Variants in NEK1 observed in about 807,000 individuals in gnomAD.
The protein encoded by NEK1 is serine/threonine-protein kinase Nek1.
In NEK1, 137 loss-of-function variants were observed where a neutral mutation model predicts 182.1. The observed-to-expected ratio is 0.75, with a 90% CI of 0.65 to 0.87. NEK1 has a LOEUF of 0.87. Among genes scored for constraint, NEK1 ranks in the 40% least tolerant of loss-of-function variants. The probability of loss-of-function intolerance (pLI) is 0.00; values close to 1 mark genes in which losing one functional copy is unlikely to be tolerated. For missense variants in NEK1, 1,391 were observed against 1,494.4 expected (o/e 0.93, Z 1.14); for synonymous variants, 513 against 492.2 (o/e 1.04, Z -0.56).
chr4:169,406,521 G>T (rs1369254677), intron 32 of NEK1, 75 bp downstream of exon 32: 3 of 1,072,404 alleles, frequency 2.8e-6, no homozygotes, highest in African/African-American at 3.3e-5. Context: ...AAAGAGCTAG[G>T]TAAGTTATCC....
At chr4:169,411,320 C>T (rs1733640489) in intron 31 of NEK1, among the ~76,000 whole-genome samples, 1 of 147,936 alleles carries the variant, frequency 6.8e-6, no homozygotes. Context: ...GTGGTCATGA[C>T]TGACTGACTT....
intron 28 of NEK1, among the ~76,000 whole-genome samples, chr4:169,435,968 C>T (rs1738336113): frequency 6.6e-6 from 1 of 152,188 alleles, no homozygotes; most frequent in South Asian, 2.1e-4. Flanking sequence ...GGCTGGCATG[C>T]TCATGGCTCA....
At chr4:169,496,091 T>C (rs1751212693) in intron 23 of NEK1, among the ~76,000 whole-genome samples, 1 of 152,200 alleles carries the variant, frequency 6.6e-6, no homozygotes, top group Non-Finnish European at 1.5e-5. Flanking sequence ...AGCAGTGGTT[T>C]GTAGTTCTCC....
In NEK1 at chr4:169,453,960, T is replaced by C. The variant is rs920727199; in HGVS notation, c.2587+9283A>G. On this transcript the variant is annotated intron_variant, in intron 27 of 35. Coordinates refer to ENST00000507142, the MANE Select transcript of NEK1 (RefSeq NM_001199397.3). ...AAAGGCTACAGTAACCAAAACAGCA[T>C]GGTACTGGTACCAAAACAGATACAT... 3.3e-5 allele frequency among the ~76,000 whole-genome samples: 5 copies of C among 152,278 alleles called. No individual in the cohort carries two copies. In the South Asian group the frequency reaches 1.0e-3, roughly 32 times the overall value.
At chr4:169,558,690 T>A (rs1451243615) in intron 16 of NEK1, among the ~76,000 whole-genome samples, 3 of 152,146 alleles carry the variant, frequency 2.0e-5, no homozygotes, top group African/African-American at 7.2e-5. Flanking sequence ...TAACCATACA[T>A]GTGGAATATA....
At chr4:169,524,426 A>G (rs1000310776) in intron 19 of NEK1, among the ~76,000 whole-genome samples, 7 of 147,616 alleles carry the variant, frequency 4.7e-5, no homozygotes, top group African/African-American at 1.8e-4. Flanking sequence ...GTGCCATAGC[A>G]CTCCAGCATG....
At position 169,394,161 on chromosome 4, in the gene NEK1, C is replaced by T. The variant is rs1049017000; in HGVS notation, c.*349G>A. 5.2e-6 allele frequency: 1 copy of T among 192,572 alleles called. No individual in the cohort carries two copies. The highest frequency in any genetic ancestry group is 2.4e-5 in the African/African-American group (1 of 42,294). 11.9% of individuals were successfully genotyped at this position (192,572 alleles called of 1,614,324 possible). ...TCCTTCATGACATAGGTAATTCCTTCAACCTAAAGACATTTGCTGAAACTC... is the reference window on the plus strand; with the variant it reads ...TCCTTCATGACATAGGTAATTCCTTTAACCTAAAGACATTTGCTGAAACTC... On this transcript the variant is annotated 3_prime_UTR_variant, in exon 36 of 36. Transcript: ENST00000507142.
intron 19 of NEK1, among the ~76,000 whole-genome samples, chr4:169,530,705 G>A (rs988804295): frequency 1.3e-5 from 2 of 151,598 alleles, no homozygotes; most frequent in African/African-American, 4.9e-5. Flanking sequence ...TTGCCAAGGT[G>A]TTGGGGGTAG....
At chr4:169,513,130 T>C (rs1259839268) in intron 19 of NEK1, among the ~76,000 whole-genome samples, 1 of 152,192 alleles carries the variant, frequency 6.6e-6, no homozygotes, top group African/African-American at 2.4e-5. Context: ...TATTAAAAAA[T>C]ATTTTCTGAG....
intron 23 of NEK1, among the ~76,000 whole-genome samples, chr4:169,488,641 G>A (rs1321685394): frequency 6.6e-6 from 1 of 152,036 alleles, no homozygotes; most frequent in African/African-American, 2.4e-5. Context: ...AATATACGTG[G>A]TTTTACTGAA....
chr4:169,544,701 T>C (rs1580641418), intron 18 of NEK1, among the ~76,000 whole-genome samples: 1 of 151,270 alleles, frequency 6.6e-6, no homozygotes, highest in African/African-American at 2.4e-5. Context: ...TTCTTCCTGG[T>C]TTAGTCTTGG....
At chr4:169,486,428 C>T (rs952880722) in intron 23 of NEK1, among the ~76,000 whole-genome samples, 1 of 152,166 alleles carries the variant, frequency 6.6e-6, no homozygotes, top group Non-Finnish European at 1.5e-5. Flanking sequence ...TGATGTCTGC[C>T]TACTCTTGAT....
At chr4:169,567,091 A>C (rs1763822073) in intron 12 of NEK1, among the ~76,000 whole-genome samples, 1 of 148,174 alleles carries the variant, frequency 6.7e-6, no homozygotes, top group Admixed American at 6.6e-5. Context: ...CTGTCTCAAA[A>C]AAAAAGAAAA....
intron 11 of NEK1, 28 bp from the exon 12 acceptor site, chr4:169,577,107 T>A: frequency 6.2e-7 from 1 of 1,611,262 alleles, no homozygotes; most frequent in Non-Finnish European, 8.5e-7. Context: ...AAGAATTTTG[T>A]CTGCAGTTCT....
intron 18 of NEK1, among the ~76,000 whole-genome samples, chr4:169,553,024 C>T (rs1300212658): frequency 6.6e-6 from 1 of 152,268 alleles, no homozygotes; most frequent in East Asian, 1.9e-4. Context: ...TCAACACAAT[C>T]CCAATCAAAA....
chr4:169,511,065 C>G (rs1256997294), intron 19 of NEK1, among the ~76,000 whole-genome samples: 3 of 152,134 alleles, frequency 2.0e-5, no homozygotes, highest in African/African-American at 7.2e-5. Context: ...GTCAACATCA[C>G]ATAAGCACTG....
At chr4:169,579,326 G>T (rs1766221900) in intron 11 of NEK1, among the ~76,000 whole-genome samples, 1 of 152,168 alleles carries the variant, frequency 6.6e-6, no homozygotes, top group Non-Finnish European at 1.5e-5. Flanking sequence ...CTGACACTGG[G>T]TATTTCCAGC....
intron 29 of NEK1, among the ~76,000 whole-genome samples, chr4:169,432,251 G>C (rs548220973): frequency 3.3e-5 from 5 of 152,248 alleles, no homozygotes; most frequent in South Asian, 4.2e-4. Flanking sequence ...GATGAGAAAA[G>C]TTTAGCAAGG....
chr4:169,459,430 T>C (rs1157400487), intron 27 of NEK1, among the ~76,000 whole-genome samples: 3 of 152,202 alleles, frequency 2.0e-5, no homozygotes, highest in Non-Finnish European at 2.9e-5. Flanking sequence ...CTCTCATTCA[T>C]ACACTGCAAA....
Sources: gnomAD v4.1 joint callset for allele counts (sites outside exome capture counted in the v4.1 genomes callset) on GRCh38, gnomAD v4.1.1 for gene constraint, MANE v1.5 for transcripts, NCBI Gene and HGNC (gene_info 2026-07-23, HGNC 2026-07-21) for gene names.